TUBA1C: variants seen among roughly 807,000 people sequenced by gnomAD.
TUBA1C encodes tubulin alpha 1c, also known as tubulin alpha-1C chain.
A neutral mutation model predicts 34.9 loss-of-function variants in TUBA1C; 16 were observed. The observed-to-expected ratio is 0.46, with a 90% CI of 0.31 to 0.70. TUBA1C has a LOEUF of 0.70. Among genes scored for constraint, TUBA1C ranks in the 30% least tolerant of loss-of-function variants. The probability of loss-of-function intolerance (pLI) is 0.05; values close to 1 mark genes in which losing one functional copy is unlikely to be tolerated. For synonymous variants in TUBA1C, 177 were observed against 215.9 expected, an observed-to-expected ratio of 0.82 and a Z score of 1.58; for missense variants, 329 against 587.3, an observed-to-expected ratio of 0.56 and a Z score of 4.55.
At chr12:49,237,209 C>T (rs1418603588) in intron 1 of TUBA1C, among the ~76,000 whole-genome samples, 1 of 151,758 alleles carries the variant, frequency 6.6e-6, no homozygotes, top group Non-Finnish European at 1.5e-5. Flanking sequence ...CATCTGAGGC[C>T]AGGAGTTCAA....
rs373047803 is a variant in TUBA1C at position 49,257,844 on chromosome 12, A to T, written c.214-11621A>T. ...TGTTATTACAAGAGACAAAAAGTTT[A>T]AAAAAAAAAAGTTTACAATTTTTTT... On this transcript the variant is annotated intron_variant, in intron 1 of 3. Transcript: ENST00000541364. The T allele has an allele frequency of 1.1e-3, 189 of 166,196 alleles. 1 individual carries two copies. Among genetic ancestry groups the T allele is most frequent in the Middle Eastern group, 0.011 (4 of 352 alleles). 10.3% of individuals were successfully genotyped at this position (166,196 alleles called of 1,614,324 possible). A position where few individuals can be genotyped will look rare whatever the true frequency, so the allele number is the denominator to read the frequency against.
chr12:49,264,464 C>T (rs962566520), upstream of TUBA1C, among the ~76,000 whole-genome samples: 1 of 152,124 alleles, frequency 6.6e-6, no homozygotes, highest in East Asian at 1.9e-4. Context: ...CAGCCCTCAG[C>T]GGCGAGGGGA....
chr12:49,271,628 C>G (rs1474595491), intron 3 of TUBA1C, among the ~76,000 whole-genome samples: 3 of 152,218 alleles, frequency 2.0e-5, no homozygotes, highest in East Asian at 1.9e-4. Flanking sequence ...GATCCTGACA[C>G]AGCCTGACTC....
chr12:49,234,901 T>G, intron 1 of TUBA1C, among the ~76,000 whole-genome samples: 1 of 152,150 alleles, frequency 6.6e-6, no homozygotes, highest in East Asian at 1.9e-4. Context: ...CACTGCAACC[T>G]CCGCCTCCCA....
intron 1 of TUBA1C, among the ~76,000 whole-genome samples, chr12:49,254,336 C>T (rs959056542): frequency 2.0e-5 from 3 of 151,008 alleles, no homozygotes; most frequent in Non-Finnish European, 4.4e-5. Flanking sequence ...AAAAATTAGC[C>T]GAGTGTCGTG....
chr12:49,235,420 C>G (rs1439355141), intron 1 of TUBA1C, among the ~76,000 whole-genome samples: 2 of 151,966 alleles, frequency 1.3e-5, no homozygotes, highest in Admixed American at 1.3e-4. Context: ...ATTTTTTGTC[C>G]AGGAGAGACT....
At chr12:49,227,940 C>T (rs909354334) in exon 1 of TUBA1C, 91 of 1,534,808 alleles carry the variant, frequency 5.9e-5, no homozygotes, top group East Asian at 3.2e-4. Context: ...GAACAATGGG[C>T]GCCCAGCTCT....
intron 1 of TUBA1C, among the ~76,000 whole-genome samples, chr12:49,258,271 T>G (rs1264026925): frequency 6.6e-6 from 1 of 152,138 alleles, no homozygotes; most frequent in Non-Finnish European, 1.5e-5. Context: ...TCTACAGTAG[T>G]ATACAATAAT....
exon 1 of TUBA1C, chr12:49,228,070 G>T: frequency 2.6e-6 from 4 of 1,535,630 alleles, no homozygotes; most frequent in Non-Finnish European, 3.5e-6. Flanking sequence ...TCTCTAACTG[G>T]ATTCTTATTT....
intron 1 of TUBA1C, among the ~76,000 whole-genome samples, chr12:49,265,671 G>A (rs926074376): frequency 6.6e-6 from 1 of 152,212 alleles, no homozygotes. Context: ...CTGTGGCCCT[G>A]CCCTGGGGAG....
At chr12:49,258,934 T>C (rs1942814511) in intron 1 of TUBA1C, among the ~76,000 whole-genome samples, 1 of 151,546 alleles carries the variant, frequency 6.6e-6, no homozygotes, top group African/African-American at 2.4e-5. Context: ...CTTTTTTGTA[T>C]TTTTAGTAGA....
chr12:49,266,022 C>T (rs938231665), intron 1 of TUBA1C, among the ~76,000 whole-genome samples: 3 of 147,676 alleles, frequency 2.0e-5, no homozygotes, highest in South Asian at 2.2e-4. Flanking sequence ...CCCAGCTACT[C>T]GGGAGGCTGA....
At chr12:49,270,423 G>A (rs1335852293) in intron 3 of TUBA1C, among the ~76,000 whole-genome samples, 1 of 152,182 alleles carries the variant, frequency 6.6e-6, no homozygotes, top group Admixed American at 6.6e-5. Context: ...CTTATGAAGT[G>A]TGCTGTTTGG....
rs1030370885 is a variant in TUBA1C at position 49,273,248 on chromosome 12, A to T, written c.*21A>T. On this transcript the variant is annotated 3_prime_UTR_variant, in exon 4 of 4. Transcript: ENST00000301072. ...ATTAACCTGTGTGCTGTACTTTTAC[A>T]CTCCTTTGTCTTGGAACTGTCTTAT... is the stretch of plus-strand genomic sequence containing the variant. The T allele has an allele frequency of 6.2e-7, 1 of 1,613,710 alleles. No homozygotes were observed. Among genetic ancestry groups the T allele is most frequent in the South Asian group, 1.1e-5 (1 of 91,060 alleles).
At chr12:49,255,321 C>T (rs1466137882) in intron 1 of TUBA1C, among the ~76,000 whole-genome samples, 1 of 151,440 alleles carries the variant, frequency 6.6e-6, no homozygotes, top group African/African-American at 2.4e-5. Context: ...TTATCTTGTC[C>T]TTGTCTTTAA....
rs1017198909 is a variant in TUBA1C at position 49,239,915 on chromosome 12, A to G, written c.213+11749A>G. Among the ~76,000 whole-genome samples the G allele has an allele frequency of 7.2e-5, 11 of 152,228 alleles. 3 individuals are homozygous for G. Among genetic ancestry groups the G allele is most frequent in the Admixed American group, 5.9e-4 (9 of 15,270 alleles). ...TTGGGACAGGACCAGGACGGGAGGT[A>G]GAGCAGTGGGATATTCCACTTGTGT... On this transcript the variant is annotated intron_variant, in intron 1 of 3. Coordinates refer to the TUBA1C transcript ENST00000541364.
At chr12:49,249,543 C>A (rs1157410208) in intron 1 of TUBA1C, among the ~76,000 whole-genome samples, 1 of 152,092 alleles carries the variant, frequency 6.6e-6, no homozygotes, top group Non-Finnish European at 1.5e-5. Context: ...AGAAAATCAA[C>A]GAACAAAAAG....
intron 1 of TUBA1C, among the ~76,000 whole-genome samples, chr12:49,256,674 T>C (rs1171756633): frequency 1.3e-5 from 2 of 152,166 alleles, no homozygotes; most frequent in African/African-American, 4.8e-5. Flanking sequence ...AAAAGGTATA[T>C]GGACTAGAGG....
chr12:49,240,035 GACACACACACACACAC>G (rs5798100), intron 1 of TUBA1C, among the ~76,000 whole-genome samples: 42 of 138,784 alleles, frequency 3.0e-4, no homozygotes, highest in Admixed American at 4.4e-4. Context: ...TCAGAGCACA[GACACACACACACACAC>G]ACACACACAC....
Sources: allele counts gnomAD v4.1 joint callset (sites outside exome capture counted in the v4.1 genomes callset), GRCh38; gene constraint gnomAD v4.1.1; transcripts MANE v1.5; gene names NCBI Gene and HGNC (gene_info 2026-07-23, HGNC 2026-07-21).